VSNL1: variants seen among roughly 807,000 people sequenced by gnomAD.
The protein encoded by VSNL1 is visinin like 1.
VSNL1 carries 6 observed loss-of-function variants against 20.4 expected under a neutral mutation model. The observed-to-expected ratio is 0.29, with a 90% CI of 0.16 to 0.58. The LOEUF (loss-of-function observed/expected upper bound fraction) is 0.58. Among genes scored for constraint, VSNL1 ranks in the 20% least tolerant of loss-of-function variants. The pLI is 0.90. For missense variants in VSNL1, 100 were observed against 234.5 expected (o/e 0.43, Z 3.75); for synonymous variants, 93 against 86.4 (o/e 1.08, Z -0.42).
At chr2:17,563,889 C>CT (rs1663874823) in intron 1 of VSNL1, among the ~76,000 whole-genome samples, 1 of 151,860 alleles carries the variant, frequency 6.6e-6, no homozygotes, top group Non-Finnish European at 1.5e-5. Context: ...TATCTATGTT[C>CT]TTTTTTTGTT....
At chr2:17,614,934 T>C (rs187535321) in intron 2 of VSNL1, among the ~76,000 whole-genome samples, 68 of 152,350 alleles carry the variant, frequency 4.5e-4, no homozygotes, top group Admixed American at 2.5e-3. Flanking sequence ...ATGCCTGCAC[T>C]TAGGAAGTTA....
intron 1 of VSNL1, among the ~76,000 whole-genome samples, chr2:17,564,303 T>C (rs1663885679): frequency 6.6e-6 from 1 of 152,216 alleles, no homozygotes; most frequent in African/African-American, 2.4e-5. Context: ...TTTCAGAGCC[T>C]ATAAGCTGAA....
Position 17,655,293 on chromosome 2 carries a change from G to T in VSNL1, c.475G>T (p.Asp159Tyr). ...QRVDKIFSKM[D>Y]KNKDDQITLD... ...AGTAGACAAGATTTTCAGCAAGATG[G>T]ATAAGAACAAAGATGACCAGATTAC... Residue 159 changes from aspartate (D) to tyrosine (Y), a missense_variant, in exon 4 of 4, where the codon GAT (aspartate) becomes TAT (tyrosine). By Grantham distance (160) the Asp-to-Tyr change is radical (BLOSUM62 -3). Transcript: ENST00000295156. This position sits in a 1 kb window ranked among gnomAD's most constrained non-coding sequence, Gnocchi z 5.2. 1 of 1,614,180 alleles carries T rather than the reference G, an allele frequency of 6.2e-7. No individual in the cohort carries two copies. The highest frequency in any genetic ancestry group is 8.5e-7 in the Non-Finnish European group (1 of 1,180,026).
At chr2:17,610,224 A>T (rs1258450141) in intron 2 of VSNL1, among the ~76,000 whole-genome samples, 2 of 152,190 alleles carry the variant, frequency 1.3e-5, no homozygotes, top group Non-Finnish European at 2.9e-5. Context: ...GTATTTGTTG[A>T]ACATTATTGA....
At chr2:17,623,711 T>C (rs1344324341) in intron 2 of VSNL1, among the ~76,000 whole-genome samples, 2 of 147,896 alleles carry the variant, frequency 1.4e-5, no homozygotes, top group African/African-American at 5.0e-5. Flanking sequence ...ACCCCTAGCA[T>C]ATATAAGAAT....
chr2:17,613,507 T>A (rs1558300452), intron 2 of VSNL1, among the ~76,000 whole-genome samples: 1 of 152,192 alleles, frequency 6.6e-6, no homozygotes, highest in South Asian at 2.1e-4. Flanking sequence ...CTGTGATGCA[T>A]CCTCATAACA....
At chr2:17,583,836 G>A (rs1449934872) in intron 1 of VSNL1, among the ~76,000 whole-genome samples, 2 of 152,164 alleles carry the variant, frequency 1.3e-5, no homozygotes, top group African/African-American at 2.4e-5. Flanking sequence ...GCCAGGCTCG[G>A]TGCCATGTAT....
At chr2:17,566,117 T>C (rs978800113) in intron 1 of VSNL1, among the ~76,000 whole-genome samples, 6 of 152,264 alleles carry the variant, frequency 3.9e-5, no homozygotes, top group Non-Finnish European at 7.3e-5. Flanking sequence ...AACAGACTTA[T>C]ACAGCAGTAT....
chr2:17,614,201 C>G (rs1240425711), intron 2 of VSNL1, among the ~76,000 whole-genome samples: 1 of 152,234 alleles, frequency 6.6e-6, no homozygotes, highest in East Asian at 1.9e-4. Flanking sequence ...TCGGGGGCCC[C>G]TCTTACCACT....
chr2:17,561,095 GA>G (rs1346893041), intron 1 of VSNL1, among the ~76,000 whole-genome samples: 1 of 152,054 alleles, frequency 6.6e-6, no homozygotes, highest in African/African-American at 2.4e-5. Flanking sequence ...CCCTCTACTG[GA>G]AAAAAGATAG....
chr2:17,629,532 T>C (rs1317694395), intron 2 of VSNL1, among the ~76,000 whole-genome samples: 1 of 152,238 alleles, frequency 6.6e-6, no homozygotes, highest in Non-Finnish European at 1.5e-5. Context: ...GTGTAAGCCC[T>C]TCTGAGTTCA....
Position 17,656,036 on chromosome 2 carries a change from A to AT in VSNL1, c.*644dup, listed in dbSNP as rs1160784364. On this transcript the variant is annotated 3_prime_UTR_variant, in exon 4 of 4. Coordinates refer to ENST00000295156, the MANE Select transcript of VSNL1 (RefSeq NM_003385.5). ...AAAAACCCTGCTAAATGACTTATTG[A>AT]TTAAGTATATCTATCTATATATACA... The AT allele has an allele frequency of 5.2e-5, 8 of 152,674 alleles. No homozygotes were observed. Among genetic ancestry groups the AT allele is most frequent in the Admixed American group, 4.6e-4 (7 of 15,290 alleles). 9.5% of individuals were successfully genotyped at this position (152,674 alleles called of 1,614,324 possible). A position where few individuals can be genotyped will look rare whatever the true frequency, so the allele number is the denominator to read the frequency against.
chr2:17,588,690 C>T (rs1441783157), intron 1 of VSNL1, among the ~76,000 whole-genome samples: 1 of 152,142 alleles, frequency 6.6e-6, no homozygotes, highest in Non-Finnish European at 1.5e-5. Flanking sequence ...GACATGGGTC[C>T]CACCTGCAAG....
At chr2:17,635,468 T>C (rs1217420588) in intron 2 of VSNL1, among the ~76,000 whole-genome samples, 1 of 152,242 alleles carries the variant, frequency 6.6e-6, no homozygotes, top group Non-Finnish European at 1.5e-5. Context: ...TTGTGGTTCT[T>C]GCTTTTGGAG....
intron 1 of VSNL1, among the ~76,000 whole-genome samples, chr2:17,558,565 G>A (rs1168030270): frequency 6.6e-6 from 1 of 152,130 alleles, no homozygotes; most frequent in Non-Finnish European, 1.5e-5. Context: ...TTGAGACTTA[G>A]AAACAGTAAG....
chr2:17,551,924 C>A (rs1572326525), intron 1 of VSNL1, among the ~76,000 whole-genome samples: 1 of 144,142 alleles, frequency 6.9e-6, no homozygotes, highest in Non-Finnish European at 1.5e-5. Flanking sequence ...AAAGCCCAGG[C>A]GTGGTGGCTC....
intron 2 of VSNL1, among the ~76,000 whole-genome samples, chr2:17,616,094 G>A (rs1665209953): frequency 6.6e-6 from 1 of 152,214 alleles, no homozygotes; most frequent in Non-Finnish European, 1.5e-5. Flanking sequence ...TCTGCCAAAG[G>A]GCCCACTAAC....
chr2:17,652,583 C>G (rs935832863), intron 3 of VSNL1, among the ~76,000 whole-genome samples: 3 of 152,162 alleles, frequency 2.0e-5, no homozygotes, highest in African/African-American at 7.2e-5. Flanking sequence ...AGAAGCTTTG[C>G]TTTAAAAAGA....
In VSNL1 at chr2:17,620,686, T is replaced by G. The variant is rs559849296; in HGVS notation, c.162+28450T>G. Among the ~76,000 whole-genome samples the G allele has an allele frequency of 1.2e-4, 18 of 152,310 alleles. No homozygotes were observed. The East Asian group carries it at 3.5e-3, about 29-fold the overall frequency. On this transcript the variant is annotated intron_variant, in intron 2 of 3. Transcript: ENST00000295156. ...GATATTATCTTTTGAGAAAAAGAATTCCACACCCACTATTGTCTTTTATCG... is the reference window on the plus strand; with the variant it reads ...GATATTATCTTTTGAGAAAAAGAATGCCACACCCACTATTGTCTTTTATCG...
Sources: gnomAD v4.1 joint callset for allele counts (sites outside exome capture counted in the v4.1 genomes callset) on GRCh38, gnomAD v4.1.1 for gene constraint, Gnocchi (gnomAD v3.1) non-coding constraint, MANE v1.5 for transcripts, NCBI Gene and HGNC (gene_info 2026-07-23, HGNC 2026-07-21) for gene names.